Variants in STARD13 observed in about 807,000 individuals in gnomAD.
STARD13 encodes StAR related lipid transfer domain containing 13.
Under a neutral mutation model 106.4 loss-of-function variants are expected in STARD13, and 62 were observed. The observed-to-expected ratio is 0.58, with a 90% CI of 0.48 to 0.72. The LOEUF (loss-of-function observed/expected upper bound fraction) is 0.72, where lower values mean the gene tolerates loss of function less well. STARD13 is among the 30% of genes least tolerant of loss of function. STARD13 has a pLI of 0.00. For missense variants in STARD13, 1,387 were observed against 1,424.0 expected, an observed-to-expected ratio of 0.97 and a Z score of 0.42; for synonymous variants, 565 against 553.0, an observed-to-expected ratio of 1.02 and a Z score of -0.31.
chr13:33,435,566 CTACA>C, the STARD13 span, among the ~76,000 whole-genome samples: 1 of 152,046 alleles, frequency 6.6e-6, no homozygotes, highest in African/African-American at 2.4e-5. Flanking sequence ...AATTATCTCT[CTACA>C]TATATAGCCA....
chr13:33,141,104 A>G (rs1879765288), intron 4 of STARD13, among the ~76,000 whole-genome samples: 1 of 152,164 alleles, frequency 6.6e-6, no homozygotes, highest in East Asian at 1.9e-4. Context: ...TGATCCTTCA[A>G]AATATATGGA....
At chr13:33,596,523 C>G in the STARD13 span, among the ~76,000 whole-genome samples, 3 of 152,156 alleles carry the variant, frequency 2.0e-5, no homozygotes, top group African/African-American at 4.8e-5. Flanking sequence ...GGACATTTAT[C>G]ACCTCAAATA....
the STARD13 span, among the ~76,000 whole-genome samples, chr13:33,602,455 C>A: frequency 6.6e-6 from 1 of 152,114 alleles, no homozygotes; most frequent in Non-Finnish European, 1.5e-5. Context: ...GGTTCAAAAG[C>A]AAAGCAGGAA....
intron 1 of STARD13, among the ~76,000 whole-genome samples, chr13:33,218,906 G>A (rs866210700): frequency 1.3e-5 from 2 of 152,092 alleles, no homozygotes; most frequent in South Asian, 4.1e-4. Context: ...GAACAACACG[G>A]CACTGAAAAA....
the STARD13 span, among the ~76,000 whole-genome samples, chr13:33,594,026 C>A: frequency 1.3e-5 from 2 of 152,174 alleles, no homozygotes; most frequent in Non-Finnish European, 2.9e-5. Flanking sequence ...CCTGCCTCAG[C>A]CTCCCAAGTA....
the STARD13 span, among the ~76,000 whole-genome samples, chr13:33,472,122 A>G: frequency 1.3e-5 from 2 of 152,028 alleles, no homozygotes; most frequent in Non-Finnish European, 2.9e-5. Flanking sequence ...TGCTTTTCAT[A>G]ACAAGTCTTT....
At chr13:33,626,870 C>T in the STARD13 span, among the ~76,000 whole-genome samples, 1 of 152,218 alleles carries the variant, frequency 6.6e-6, no homozygotes, top group East Asian at 1.9e-4. Context: ...CTTTTGATTA[C>T]ATGTTTGCCT....
the STARD13 span, among the ~76,000 whole-genome samples, chr13:33,568,593 G>T: frequency 6.8e-6 from 1 of 147,720 alleles, no homozygotes; most frequent in Non-Finnish European, 1.5e-5. Flanking sequence ...ACTACGTAGG[G>T]CTTCTGCCTG....
chr13:33,425,356 A>G, the STARD13 span, among the ~76,000 whole-genome samples: 1 of 152,130 alleles, frequency 6.6e-6, no homozygotes, highest in East Asian at 1.9e-4. Context: ...CAGGTAGCAA[A>G]TGTGTGCTCA....
intron 3 of STARD13, among the ~76,000 whole-genome samples, chr13:33,159,264 A>G (rs181586575): frequency 4.6e-5 from 7 of 152,298 alleles, no homozygotes; most frequent in African/African-American, 1.7e-4. Flanking sequence ...CACTAGTATT[A>G]TTATCCTGAA....
rs145455803 is a variant in STARD13, at chr13:33,307,109, C to A, written c.124+43181G>T. Among the ~76,000 whole-genome samples the A allele has an allele frequency of 4.4e-3, 664 of 152,154 alleles. 3 individuals are homozygous for A. Among genetic ancestry groups the A allele is most frequent in the Middle Eastern group, 0.014 (4 of 294 alleles). ...TGCAAATCAAAACCACAATGAGATACCATCTCATGCCACTCAGAATAGCAA... is the reference window on the plus strand; with the variant it reads ...TGCAAATCAAAACCACAATGAGATAACATCTCATGCCACTCAGAATAGCAA... On this transcript the variant is annotated intron_variant, in intron 1 of 5. Transcript: ENST00000567873.
At chr13:33,138,851 T>G (rs1593941456) in intron 4 of STARD13, 1 of 478,974 alleles carries the variant, frequency 2.1e-6, no homozygotes, top group South Asian at 1.5e-5. Flanking sequence ...CCTTAAAGGG[T>G]CCCTTTTCTC....
At position 33,162,566 on chromosome 13, in the gene STARD13, GCT is replaced by G. The variant is rs370345636; in HGVS notation, c.323+2769_323+2770del. Among the ~76,000 whole-genome samples, 41 of 152,284 alleles carry G rather than the reference GCT, an allele frequency of 2.7e-4. No individual in the cohort carries two copies. In the East Asian group the frequency reaches 6.7e-3, roughly 25 times the overall value. On this transcript the variant is annotated intron_variant, in intron 3 of 13. Transcript: ENST00000336934. ...ACAGCACCCAAGTCACCTCTTGAAT[GCT>G]CTGTTTGCTGCTTAGAAATTTCTTC...
chr13:33,499,610 CTTCTTCTT>C, the STARD13 span, among the ~76,000 whole-genome samples: 103 of 74,908 alleles, frequency 1.4e-3, 1 homozygote, highest in Non-Finnish European at 1.5e-3. Flanking sequence ...CTTCTTTCTT[CTTCTTCTT>C]CTTCTTCTTC....
At chr13:33,474,762 A>G in the STARD13 span, among the ~76,000 whole-genome samples, 2 of 152,330 alleles carry the variant, frequency 1.3e-5, no homozygotes. Flanking sequence ...AACTAAAACA[A>G]TCTCCATTTG....
the STARD13 span, among the ~76,000 whole-genome samples, chr13:33,398,736 C>T: frequency 1.3e-5 from 2 of 151,958 alleles, no homozygotes; most frequent in East Asian, 1.9e-4. Context: ...AAATTAAAAC[C>T]ACAATGAGAT....
At chr13:33,446,920 T>C in the STARD13 span, among the ~76,000 whole-genome samples, 5 of 152,210 alleles carry the variant, frequency 3.3e-5, no homozygotes, top group Non-Finnish European at 7.3e-5. Flanking sequence ...ACAGATGGCA[T>C]AGCCCACATT....
At chr13:33,463,393 G>T in the STARD13 span, among the ~76,000 whole-genome samples, 1 of 152,188 alleles carries the variant, frequency 6.6e-6, no homozygotes, top group African/African-American at 2.4e-5. Context: ...CTTCCAGGTT[G>T]CCCAGTTGTT....
At chr13:33,240,386 C>T (rs1022546880) in intron 1 of STARD13, among the ~76,000 whole-genome samples, 1 of 152,064 alleles carries the variant, frequency 6.6e-6, no homozygotes, top group Admixed American at 6.5e-5. Flanking sequence ...GATCCCACAT[C>T]CATTTTAGAA....
Sources: gnomAD v4.1 joint callset for allele counts (sites outside exome capture counted in the v4.1 genomes callset) on GRCh38, gnomAD v4.1.1 for gene constraint, MANE v1.5 for transcripts, NCBI Gene and HGNC (gene_info 2026-07-23, HGNC 2026-07-21) for gene names.